Variants in ITCH observed in about 807,000 individuals in gnomAD.
ITCH encodes the protein E3 ubiquitin-protein ligase Itchy homolog.
In ITCH, 28 loss-of-function variants were observed where a neutral mutation model predicts 126.8. That is an observed-to-expected ratio of 0.22 (90% CI 0.16 to 0.30). The LOEUF is 0.30. Ranked by LOEUF, ITCH falls within the 10% of genes least tolerant of loss-of-function variation. The pLI, the probability that ITCH is intolerant of heterozygous loss-of-function variation, is 1.00. For synonymous variants in ITCH, 342 were observed against 340.0 expected (o/e 1.01, Z -0.06); for missense variants, 631 against 1,032.4 (o/e 0.61, Z 5.33).
At chr20:34,481,527 C>T (rs1197213900) in intron 20 of ITCH, among the ~76,000 whole-genome samples, 1 of 152,090 alleles carries the variant, frequency 6.6e-6, no homozygotes, top group African/African-American at 2.4e-5. Flanking sequence ...TATTAATCCA[C>T]TTTCCTGCTG....
At position 34,504,385 on chromosome 20, in the gene ITCH, T is replaced by C; in HGVS notation, c.2471T>C (p.Leu824Pro). Residue 824 changes from leucine to proline, a missense_variant, in exon 24 of 25, where the codon CTA becomes CCA. This residue lies in a region of ITCH where 390 missense variants were observed against 731.6 expected (regional missense o/e 0.53). Transcript: ENST00000374864. ...CIEKVGKENW[L>P]PRSHTCFNRL... ...GAAAAAGTTGGGAAAGAAAATTGGC[T>C]ACCCAGAAGTCATACCTGGTAAGTA... 6.2e-7 allele frequency: 1 copy of C among 1,611,132 alleles called. No individual in the cohort carries two copies. Among genetic ancestry groups the C allele is most frequent in the Non-Finnish European group, 8.5e-7 (1 of 1,177,290 alleles).
At chr20:34,474,270 G>A (rs972978221) in intron 16 of ITCH, among the ~76,000 whole-genome samples, 5 of 152,134 alleles carry the variant, frequency 3.3e-5, no homozygotes, top group Non-Finnish European at 7.3e-5. Context: ...ATAAACAAGT[G>A]AACAAAGGTC....
At chr20:34,472,315 C>T (rs1046328211) in intron 16 of ITCH, among the ~76,000 whole-genome samples, 2 of 148,316 alleles carry the variant, frequency 1.3e-5, no homozygotes, top group Non-Finnish European at 3.0e-5. Flanking sequence ...TGCAGTGACC[C>T]GAGATCGTGC....
chr20:34,365,333 T>C (rs2037380054), intron 1 of ITCH, among the ~76,000 whole-genome samples: 1 of 152,212 alleles, frequency 6.6e-6, no homozygotes, highest in South Asian at 2.1e-4. Flanking sequence ...AAGGATATCA[T>C]ATGAAATTAA....
chr20:34,406,736 A>G (rs1039245906), intron 3 of ITCH, among the ~76,000 whole-genome samples: 38 of 151,858 alleles, frequency 2.5e-4, no homozygotes, highest in African/African-American at 8.7e-4. Context: ...GGGTTTCACC[A>G]TGTTAGCCAG....
intron 7 of ITCH, among the ~76,000 whole-genome samples, chr20:34,427,834 T>C (rs1967773404): frequency 6.6e-6 from 1 of 152,222 alleles, no homozygotes. Context: ...TAAGTGGGTA[T>C]GTAAAAGGTT....
chr20:34,476,482 G>T, intron 16 of ITCH: 1 of 1,211,368 alleles, frequency 8.3e-7, no homozygotes, highest in Non-Finnish European at 1.0e-6. Context: ...CATCGCCCGC[G>T]GTCGGGAACT....
intron 14 of ITCH, among the ~76,000 whole-genome samples, chr20:34,462,792 C>CT (rs1986665330): frequency 6.6e-6 from 1 of 152,202 alleles, no homozygotes; most frequent in Non-Finnish European, 1.5e-5. Flanking sequence ...GGTAACCAGC[C>CT]TTCTACTGTC....
chr20:34,392,955 G>T (rs991097384), intron 2 of ITCH, among the ~76,000 whole-genome samples: 1 of 152,124 alleles, frequency 6.6e-6, no homozygotes, highest in Admixed American at 6.5e-5. Context: ...AAATAAAGTT[G>T]CTTGGGACAT....
intron 2 of ITCH, among the ~76,000 whole-genome samples, chr20:34,386,227 TAGCTGGG>T (rs753803835): frequency 2.0e-5 from 3 of 152,060 alleles, no homozygotes; most frequent in Non-Finnish European, 4.4e-5. Context: ...AGCTTCCAAG[TAGCTGGG>T]ATCACAGGTG....
At chr20:34,413,503 T>TG (rs1979350534) in intron 5 of ITCH, among the ~76,000 whole-genome samples, 1 of 152,174 alleles carries the variant, frequency 6.6e-6, no homozygotes, top group Non-Finnish European at 1.5e-5. Flanking sequence ...TAATAAACGA[T>TG]GGAGATACTA....
At chr20:34,423,111 A>C (rs1451768330) in intron 6 of ITCH, among the ~76,000 whole-genome samples, 1 of 152,122 alleles carries the variant, frequency 6.6e-6, no homozygotes, top group East Asian at 1.9e-4. Context: ...TTTTATCTCT[A>C]AAAATTCGTC....
chr20:34,385,516 C>G (rs767784104), intron 2 of ITCH, among the ~76,000 whole-genome samples: 3 of 151,948 alleles, frequency 2.0e-5, no homozygotes, highest in Non-Finnish European at 2.9e-5. Flanking sequence ...TAGCAGTAGT[C>G]AAAGCTAGAA....
chr20:34,489,915 T>G lies in ITCH; in HGVS notation c.2308T>G (p.Trp770Gly). The change falls in exon 22 of 25, where the codon TGG becomes GGG. Residue 770 changes from tryptophan (W) to glycine (G), a missense_variant. Coordinates refer to ENST00000374864, the MANE Select transcript of ITCH (RefSeq NM_031483.7). Reference protein sequence around the residue: ...HYARTSKQIMWFWQFVKEIDN... With the variant: ...HYARTSKQIMGFWQFVKEIDN... Reference sequence around the variant, plus strand: ...TGCAAGGACCAGCAAACAAATCATGTGGTTTTGGCAGGTTTGTTTTTAAAT... The same window carrying G: ...TGCAAGGACCAGCAAACAAATCATGGGGTTTTGGCAGGTTTGTTTTTAAAT... 1 of 1,613,212 alleles carries G rather than the reference T, an allele frequency of 6.2e-7. No homozygotes were observed. The highest frequency in any genetic ancestry group is 8.5e-7 in the Non-Finnish European group (1 of 1,179,278).
chr20:34,449,515 A>G, intron 12 of ITCH, 35 bp downstream of exon 12: 2 of 1,370,704 alleles, frequency 1.5e-6, no homozygotes, highest in African/African-American at 1.4e-5. Flanking sequence ...GAGTTCTGTC[A>G]TTTCATTTTT....
intron 12 of ITCH, among the ~76,000 whole-genome samples, chr20:34,456,211 TATA>T (rs1170994688): frequency 3.5e-3 from 116 of 32,976 alleles, no homozygotes; most frequent in Non-Finnish European, 4.7e-3. Flanking sequence ...TATATATATA[TATA>T]TTTTTTTTTT....
At chr20:34,377,077 TAGAA>T (rs1233913650) in intron 2 of ITCH, among the ~76,000 whole-genome samples, 1 of 151,952 alleles carries the variant, frequency 6.6e-6, no homozygotes, top group Non-Finnish European at 1.5e-5. Context: ...ACAAGTAGAA[TAGAA>T]AGAAAAACCA....
At chr20:34,483,343 GCT>G (rs1988890983) in intron 20 of ITCH, among the ~76,000 whole-genome samples, 1 of 152,126 alleles carries the variant, frequency 6.6e-6, no homozygotes, top group African/African-American at 2.4e-5. Context: ...AAACTTTTAT[GCT>G]CTGCTTCCCT....
At chr20:34,473,003 G>C (rs1420541776) in intron 16 of ITCH, among the ~76,000 whole-genome samples, 3 of 152,092 alleles carry the variant, frequency 2.0e-5, no homozygotes, top group African/African-American at 7.2e-5. Context: ...TTTATCTTTT[G>C]ACTTTGAAAC....
Sources: allele counts gnomAD v4.1 joint callset (sites outside exome capture counted in the v4.1 genomes callset), GRCh38; gene constraint gnomAD v4.1.1; regional missense constraint gnomAD v4.1.1; transcripts MANE v1.5; gene names NCBI Gene and HGNC (gene_info 2026-07-23, HGNC 2026-07-21).